The following TNR variants were observed in gnomAD, a reference collection of about 807,000 sequenced individuals.
The protein encoded by TNR is tenascin R, also known as tenascin-R.
TNR carries 45 observed loss-of-function variants against 150.4 expected under a neutral mutation model. That is an observed-to-expected ratio of 0.30 (90% CI 0.24 to 0.38). The LOEUF (loss-of-function observed/expected upper bound fraction) is 0.38, where lower values mean the gene tolerates loss of function less well. Among genes scored for constraint, TNR ranks in the 10% least tolerant of loss-of-function variants. The pLI, the probability that TNR is intolerant of heterozygous loss-of-function variation, is 1.00. For missense variants in TNR, 1,544 were observed against 1,759.1 expected (o/e 0.88, Z 2.19); for synonymous variants, 687 against 678.4 (o/e 1.01, Z -0.20).
chr1:175,623,178 G>C (rs1664036020), intron 1 of TNR, among the ~76,000 whole-genome samples: 1 of 152,110 alleles, frequency 6.6e-6, no homozygotes, highest in Admixed American at 6.5e-5. Flanking sequence ...GACCTAAATT[G>C]ACCTGGTTGA....
Position 175,631,599 on chromosome 1 carries a change from G to A in TNR, c.-164-103230C>T, listed in dbSNP as rs188025839. The stretch of plus-strand genomic sequence containing the variant: ...GGAAGCTAAAAGATTGAACACCTGT[G>A]GCCTATATATTGGGGGTCAGTTTGC... On this transcript the variant is annotated intron_variant, in intron 1 of 22. Coordinates refer to ENST00000367674, the MANE Select transcript of TNR (RefSeq NM_003285.3). Among the ~76,000 whole-genome samples, 197 of 152,232 alleles carry A rather than the reference G, an allele frequency of 1.3e-3. 1 individual carries two copies. Among genetic ancestry groups the A allele is most frequent in the Non-Finnish European group, 8.4e-4 (57 of 68,020 alleles).
intron 1 of TNR, among the ~76,000 whole-genome samples, chr1:175,605,418 A>T (rs1047047010): frequency 6.6e-6 from 1 of 152,244 alleles, no homozygotes; most frequent in East Asian, 1.9e-4. Flanking sequence ...TTACTTAGTC[A>T]TTTAACACAT....
Position 175,566,980 on chromosome 1 carries a change from T to A in TNR, c.-164-38611A>T, listed in dbSNP as rs74410776. On this transcript the variant is annotated intron_variant, in intron 1 of 22. Coordinates refer to ENST00000367674, the MANE Select transcript of TNR (RefSeq NM_003285.3). ...ACATCTTGTGTGCCATTAGCCCCCATGGCTTTATATTCTTTTCCACAAAAC... is the reference window on the plus strand; with the variant it reads ...ACATCTTGTGTGCCATTAGCCCCCAAGGCTTTATATTCTTTTCCACAAAAC... 1.1e-3 allele frequency among the ~76,000 whole-genome samples: 173 copies of A among 152,324 alleles called. 4 individuals carry two copies. The East Asian group carries it at 0.032, about 28-fold the overall frequency.
chr1:175,561,484 G>A (rs1661425541), intron 1 of TNR, among the ~76,000 whole-genome samples: 1 of 152,186 alleles, frequency 6.6e-6, no homozygotes, highest in Non-Finnish European at 1.5e-5. Context: ...AAGAATAGCA[G>A]AGAACCAGAA....
At chr1:175,459,245 CCAT>C (rs1252446985) in intron 2 of TNR, among the ~76,000 whole-genome samples, 1 of 152,076 alleles carries the variant, frequency 6.6e-6, no homozygotes, top group Admixed American at 6.6e-5. Flanking sequence ...ACGACCACCA[CCAT>C]CATCACCTCT....
At chr1:175,553,817 A>ACACACACAC (rs1553238669) in intron 1 of TNR, among the ~76,000 whole-genome samples, 4,288 of 145,446 alleles carry the variant, frequency 0.029, 90 homozygotes, top group Non-Finnish European at 0.039. Context: ...TACAAGAACA[A>ACACACACAC]ACACACACAC....
intron 2 of TNR, among the ~76,000 whole-genome samples, chr1:175,501,544 C>G (rs1046052320): frequency 1.3e-5 from 2 of 152,186 alleles, no homozygotes; most frequent in East Asian, 3.8e-4. Flanking sequence ...CATGCCCAGA[C>G]TTTTGACCTA....
intron 2 of TNR, among the ~76,000 whole-genome samples, chr1:175,421,149 C>T (rs973528622): frequency 4.6e-5 from 7 of 152,078 alleles, no homozygotes; most frequent in South Asian, 4.2e-4. Context: ...CAGCTGAGGG[C>T]GAGATGAGAG....
At chr1:175,676,901 G>C (rs1356773134) in intron 1 of TNR, among the ~76,000 whole-genome samples, 1 of 152,126 alleles carries the variant, frequency 6.6e-6, no homozygotes, top group Admixed American at 6.5e-5. Flanking sequence ...CTCTACACAG[G>C]ACCTCACTTA....
chr1:175,543,080 C>T (rs12072811), intron 1 of TNR, among the ~76,000 whole-genome samples: 40 of 152,244 alleles, frequency 2.6e-4, no homozygotes, highest in African/African-American at 9.4e-4. Context: ...TTTGAACACA[C>T]GGCCCCAAAT....
intron 9 of TNR, among the ~76,000 whole-genome samples, chr1:175,376,658 T>C (rs1233993057): frequency 2.6e-5 from 4 of 152,108 alleles, no homozygotes; most frequent in Non-Finnish European, 5.9e-5. Flanking sequence ...TTTCTCTTTT[T>C]CATGGCTCTC....
At chr1:175,481,911 G>C (rs79286912) in intron 2 of TNR, among the ~76,000 whole-genome samples, 2,276 of 152,190 alleles carry the variant, frequency 0.015, 57 homozygotes, top group African/African-American at 0.053. Flanking sequence ...ATCTGTTCTG[G>C]TTGTCATTCC....
intron 1 of TNR, among the ~76,000 whole-genome samples, chr1:175,709,814 T>C (rs903755004): frequency 1.7e-4 from 26 of 151,918 alleles, no homozygotes; most frequent in African/African-American, 5.8e-4. Flanking sequence ...ACAACATCCC[T>C]AGTACCTCCC....
intron 18 of TNR, among the ~76,000 whole-genome samples, chr1:175,347,671 G>T (rs12070298): frequency 2.6e-5 from 4 of 151,774 alleles, no homozygotes; most frequent in Non-Finnish European, 4.4e-5. Context: ...CAAGTGATCC[G>T]CCTGCTTCCA....
chr1:175,700,694 C>T (rs142682552), intron 1 of TNR, among the ~76,000 whole-genome samples: 11 of 152,324 alleles, frequency 7.2e-5, no homozygotes, highest in African/African-American at 2.4e-4. Context: ...GTGTTCCATA[C>T]ATCAGGTGAC....
At chr1:175,710,282 C>T (rs184454887) in intron 1 of TNR, among the ~76,000 whole-genome samples, 1 of 151,908 alleles carries the variant, frequency 6.6e-6, no homozygotes, top group Non-Finnish European at 1.5e-5. Flanking sequence ...AAGGGAGGGA[C>T]CTGAGATGGT....
intron 2 of TNR, among the ~76,000 whole-genome samples, chr1:175,458,900 T>C (rs1460655841): frequency 6.6e-6 from 1 of 151,744 alleles, no homozygotes; most frequent in Non-Finnish European, 1.5e-5. Flanking sequence ...CCTCCAACTG[T>C]CATCATCGCT....
intron 2 of TNR, among the ~76,000 whole-genome samples, chr1:175,482,118 G>A (rs781759341): frequency 4.6e-4 from 70 of 152,060 alleles, no homozygotes; most frequent in Non-Finnish European, 7.2e-4. Flanking sequence ...TTATCTTTAG[G>A]TATTAGCAAC....
intron 1 of TNR, among the ~76,000 whole-genome samples, chr1:175,620,339 G>T (rs79488861): frequency 6.6e-6 from 1 of 152,212 alleles, no homozygotes; most frequent in African/African-American, 2.4e-5. Context: ...TTGGAAGCCT[G>T]ATAGAATTGG....
Sources: allele counts gnomAD v4.1 joint callset (sites outside exome capture counted in the v4.1 genomes callset), GRCh38; gene constraint gnomAD v4.1.1; transcripts MANE v1.5; gene names NCBI Gene and HGNC (gene_info 2026-07-23, HGNC 2026-07-21).